ADGRE5: variants seen among roughly 807,000 people sequenced by gnomAD.
The protein encoded by ADGRE5 is adhesion G protein-coupled receptor E5, also known as CD97 molecule.
A neutral mutation model predicts 100.3 loss-of-function variants in ADGRE5; 72 were observed. The ratio of observed to expected loss-of-function variants is 0.72; its 90% CI spans 0.59 to 0.87. The LOEUF is 0.87. Among genes scored for constraint, ADGRE5 ranks in the 40% least tolerant of loss-of-function variants. ADGRE5 has a pLI of 0.00. For missense variants in ADGRE5, 959 were observed against 1,094.7 expected, an observed-to-expected ratio of 0.88 and a Z score of 1.75; for synonymous variants, 439 against 447.8, an observed-to-expected ratio of 0.98 and a Z score of 0.25.
intron 12 of ADGRE5, among the ~76,000 whole-genome samples, chr19:14,404,084 G>T (rs1329266205): frequency 6.6e-6 from 1 of 151,766 alleles, no homozygotes; most frequent in Non-Finnish European, 1.5e-5. Context: ...TCGCCATGTT[G>T]GCCAGGCTGG....
intron 4 of ADGRE5, among the ~76,000 whole-genome samples, chr19:14,392,103 GAAA>G (rs571212543): frequency 1.5e-5 from 1 of 64,528 alleles, no homozygotes. Context: ...GACTCTGTCT[GAAA>G]AAAAAAAAAA....
Position 14,405,635 on chromosome 19 carries a change from G to T in ADGRE5, c.1630-113G>T, listed in dbSNP as rs1017605216. On this transcript the variant is annotated intron_variant, in intron 13 of 19. Coordinates refer to ENST00000242786, the MANE Select transcript of ADGRE5 (RefSeq NM_078481.4). ...TGTGGCCAGATCTAGGAGGGACAAG[G>T]GAGGAGGTCAGAGAGGTGGGCCCGT... 4 of 735,238 alleles carry T rather than the reference G, an allele frequency of 5.4e-6. 1 individual carries two copies. Among genetic ancestry groups the T allele is most frequent in the Non-Finnish European group, 9.2e-6 (4 of 433,130 alleles). 45.5% of individuals were successfully genotyped at this position (735,238 alleles called of 1,614,324 possible).
At chr19:14,385,045 C>G (rs867606903) in intron 1 of ADGRE5, among the ~76,000 whole-genome samples, 4 of 93,062 alleles carry the variant, frequency 4.3e-5, no homozygotes, top group Middle Eastern at 0.014. Flanking sequence ...GAGTCTTGCT[C>G]TGTTGCCCAG....
rs750740280 is a variant in ADGRE5, at chr19:14,398,081, A to G, written c.839A>G (p.Asp280Gly). The change falls in exon 9 of 20, where the codon GAC becomes GGC. Residue 280 changes from aspartate to glycine, a missense_variant. Physicochemically the swap from Asp to Gly is moderately conservative, Grantham distance 94. This residue lies in a region of ADGRE5 where 69 missense variants were observed against 135.0 expected (regional missense o/e 0.51). Transcript: ENST00000242786. Reference sequence around the variant, plus strand: ...CTGCAGACGCTTTCCCGATTCTTCGACAAAGTCCAGGACCTGGGCAGAGAC... The same window carrying G: ...CTGCAGACGCTTTCCCGATTCTTCGGCAAAGTCCAGGACCTGGGCAGAGAC... ...VHSQTLSRFF[D>G]KVQDLGRDSK... 24 of 1,613,818 alleles carry G rather than the reference A, an allele frequency of 1.5e-5. No individual in the cohort carries two copies. Among genetic ancestry groups the G allele is most frequent in the Middle Eastern group, 3.3e-4 (2 of 6,084 alleles).
chr19:14,401,258 A>C lies in ADGRE5; in HGVS notation c.898-128A>C. The stretch of plus-strand genomic sequence containing the variant: ...CCGTCGCTTGTTTTCTGGTTACTGC[A>C]TCATCTCAGTGATTCCCTTGTGCCT... On this transcript the variant is annotated intron_variant, in intron 9 of 19. Coordinates refer to ENST00000242786, the MANE Select transcript of ADGRE5 (RefSeq NM_078481.4). This position sits in a 1 kb window ranked among gnomAD's most constrained non-coding sequence, Gnocchi z 4.1. The C allele has an allele frequency of 5.5e-6, 4 of 722,378 alleles. No homozygotes were observed. The highest frequency in any genetic ancestry group is 9.1e-6 in the Non-Finnish European group (4 of 441,082). The allele number at this position is 722,378 out of a possible 1,614,324, so 44.7% of individuals were successfully genotyped here.
chr19:14,388,398 T>A, intron 1 of ADGRE5, 52 bp from the exon 2 acceptor site: 2 of 1,435,864 alleles, frequency 1.4e-6, no homozygotes, highest in Non-Finnish European at 1.9e-6. Context: ...CCCTTACGCC[T>A]CCTTTCCCAC....
At position 14,406,573 on chromosome 19, in the gene ADGRE5, T is replaced by C. The variant is rs1976250178; in HGVS notation, c.2048+16T>C. 1.9e-6 allele frequency: 3 copies of C among 1,605,814 alleles called. No homozygotes were observed. The South Asian group carries it at 3.3e-5, about 18-fold the overall frequency. ...GCCCCAGATAGTGAGTGCAGCGAGATGGGGCAGGAGGAAGGCGGGGTGCTG... is the reference window on the plus strand; with the variant it reads ...GCCCCAGATAGTGAGTGCAGCGAGACGGGGCAGGAGGAAGGCGGGGTGCTG... On this transcript the variant is annotated intron_variant, in intron 15 of 19. Coordinates refer to ENST00000242786, the MANE Select transcript of ADGRE5 (RefSeq NM_078481.4). The surrounding 1 kb of genome is among the most constrained non-coding windows in gnomAD (Gnocchi z 6.0).
intron 13 of ADGRE5, chr19:14,405,059 A>AGTCT (rs1976169298): frequency 6.3e-6 from 1 of 158,636 alleles, no homozygotes; most frequent in East Asian, 1.9e-4. Context: ...TGCCCAGGCT[A>AGTCT]GTCTCAAACT....
chr19:14,393,420 C>T (rs1975670148), intron 4 of ADGRE5, among the ~76,000 whole-genome samples: 2 of 152,340 alleles, frequency 1.3e-5, no homozygotes, highest in African/African-American at 4.8e-5. Flanking sequence ...CCGGGAGAAA[C>T]TGGGACTCCA....
intron 18 of ADGRE5, among the ~76,000 whole-genome samples, 160 bp from the exon 19 acceptor site, chr19:14,407,748 T>C (rs1206501097): frequency 6.6e-6 from 1 of 151,556 alleles, no homozygotes; most frequent in Non-Finnish European, 1.5e-5. Flanking sequence ...TAAGCTATGA[T>C]GGTGCCACTA....
At chr19:14,392,313 GT>G (rs1262937384) in intron 4 of ADGRE5, among the ~76,000 whole-genome samples, 1 of 151,078 alleles carries the variant, frequency 6.6e-6, no homozygotes, top group Non-Finnish European at 1.5e-5. Context: ...TTGTTTGTTT[GT>G]TTTTGAGACA....
At chr19:14,400,793 G>GATAA (rs879260006) in intron 9 of ADGRE5, among the ~76,000 whole-genome samples, 24 of 151,756 alleles carry the variant, frequency 1.6e-4, no homozygotes, top group Non-Finnish European at 2.9e-5. Context: ...CTTAGTCTCA[G>GATAA]ATAAATAAAT....
chr19:14,396,236 C>T, intron 4 of ADGRE5, 106 bp from the exon 5 acceptor site: 1 of 1,603,300 alleles, frequency 6.2e-7, no homozygotes, highest in Non-Finnish European at 8.5e-7. Flanking sequence ...AGGGAGGAGA[C>T]AGTGGTGCCT....
chr19:14,391,389 A>C (rs1975597586), intron 4 of ADGRE5: 1 of 350,586 alleles, frequency 2.9e-6, no homozygotes, highest in Non-Finnish European at 5.3e-6. Flanking sequence ...TTGTAATTCC[A>C]GTGCTTTGGG....
intron 1 of ADGRE5, among the ~76,000 whole-genome samples, chr19:14,385,218 G>C (rs934142884): frequency 4.6e-5 from 7 of 150,866 alleles, no homozygotes; most frequent in African/African-American, 1.5e-4. Context: ...CACTATGTTG[G>C]CCAGGCTGGT....
At chr19:14,404,871 T>TG in intron 13 of ADGRE5, 4 of 335,802 alleles carry the variant, frequency 1.2e-5, no homozygotes, top group African/African-American at 4.4e-5. Flanking sequence ...TGCCCGTTTT[T>TG]TTTTTTTTTT....
Position 14,401,959 on chromosome 19 carries a change from G to A in ADGRE5, c.1183+199G>A, listed in dbSNP as rs747750403. 6.6e-6 allele frequency among the ~76,000 whole-genome samples: 1 copy of A among 151,876 alleles called. No individual in the cohort carries two copies. On this transcript the variant is annotated intron_variant, in intron 11 of 19. Coordinates refer to ENST00000242786, the MANE Select transcript of ADGRE5 (RefSeq NM_078481.4). The surrounding 1 kb of genome is among the most constrained non-coding windows in gnomAD (Gnocchi z 4.1). ...CAGCCTGGGCAACATGGTGAAACCC[G>A]GTCTCTACAAAAAATACAAAAATTA...
In ADGRE5 at chr19:14,390,932, G is replaced by A. The variant is rs762532426; in HGVS notation, c.199G>A (p.Glu67Lys). The change falls in exon 4 of 20, where the codon GAG (glutamate) becomes AAG (lysine). Residue 67 changes from glutamate to lysine, a missense_variant. By Grantham distance (56) the Glu-to-Lys change is moderately conservative. Coordinates refer to ENST00000242786, the MANE Select transcript of ADGRE5 (RefSeq NM_078481.4). ...GTCCTGTTGTGTTCCAGACATCAAC[G>A]AGTGTGCAACACCGTCGAAAGTGTC... The part of the protein sequence containing the change: ...TPTETCDDIN[E>K]CATPSKVSCG... 9.3e-6 allele frequency: 15 copies of A among 1,614,032 alleles called. No homozygotes were observed. The African/African-American group carries it at 9.3e-5, about 10-fold the overall frequency.
chr19:14,399,978 T>A (rs959770121), intron 9 of ADGRE5, among the ~76,000 whole-genome samples: 1 of 151,610 alleles, frequency 6.6e-6, no homozygotes, highest in African/African-American at 2.4e-5. Flanking sequence ...TATTAAGAGC[T>A]GAGACTACAG....
Sources: allele counts gnomAD v4.1 joint callset (sites outside exome capture counted in the v4.1 genomes callset), GRCh38; gene constraint gnomAD v4.1.1; regional missense constraint gnomAD v4.1.1; non-coding constraint Gnocchi (gnomAD v3.1); transcripts MANE v1.5; gene names NCBI Gene and HGNC (gene_info 2026-07-23, HGNC 2026-07-21).